RNF146: variants seen among roughly 807,000 people sequenced by gnomAD.
RNF146 encodes the protein ring finger protein 146.
RNF146 carries 11 observed loss-of-function variants against 29.7 expected under a neutral mutation model. That is an observed-to-expected ratio of 0.37 (90% CI 0.23 to 0.61). The LOEUF (loss-of-function observed/expected upper bound fraction) is 0.61, where lower values mean the gene tolerates loss of function less well. RNF146 is among the 20% of genes least tolerant of loss of function. The pLI, the probability that RNF146 is intolerant of heterozygous loss-of-function variation, is 0.66. For missense variants in RNF146, 342 were observed against 438.9 expected, an observed-to-expected ratio of 0.78 and a Z score of 1.97; for synonymous variants, 150 against 159.7, an observed-to-expected ratio of 0.94 and a Z score of 0.46.
rs41285264 is a variant in RNF146 at position 127,288,413 on chromosome 6, T to G, written c.*720T>G. ...AAAGGGTGTGGAAACATTTTGACAT[T>G]TGTGACCAAAGGTCACTTAAAAAGT... On this transcript the variant is annotated 3_prime_UTR_variant, in exon 3 of 3. Coordinates refer to ENST00000368314, the MANE Select transcript of RNF146 (RefSeq NM_001242850.2). 0.069 allele frequency: 11,561 copies of G among 166,942 alleles called. 424 individuals are homozygous for G. Among genetic ancestry groups the G allele is most frequent in the South Asian group, 0.098 (475 of 4,824 alleles). The allele number at this position is 166,942 out of a possible 1,614,324, so 10.3% of individuals were successfully genotyped here.
intron 1 of RNF146, among the ~76,000 whole-genome samples, chr6:127,274,055 T>A (rs1403147215): frequency 2.0e-5 from 3 of 152,012 alleles, no homozygotes; most frequent in Non-Finnish European, 2.9e-5. Context: ...GTGTGTGTGT[T>A]TTCTTTATAA....
At chr6:127,266,951 G>C (rs1283553540) in intron 1 of RNF146, 26 bp downstream of exon 1, 2 of 152,388 alleles carry the variant, frequency 1.3e-5, no homozygotes, top group Admixed American at 1.3e-4. Flanking sequence ...AGGCCCTCTC[G>C]GGGGAGCAGG....
intron 1 of RNF146, among the ~76,000 whole-genome samples, chr6:127,274,635 G>T (rs1777945461): frequency 6.6e-6 from 1 of 152,128 alleles, no homozygotes; most frequent in Non-Finnish European, 1.5e-5. Flanking sequence ...CACACTAGAG[G>T]TTTTACCATT....
chr6:127,270,010 A>G (rs921461176), intron 1 of RNF146, among the ~76,000 whole-genome samples: 7 of 152,104 alleles, frequency 4.6e-5, no homozygotes, highest in African/African-American at 1.7e-4. Context: ...ATGTATTTAT[A>G]TTGATGTTAT....
intron 1 of RNF146, among the ~76,000 whole-genome samples, chr6:127,268,982 A>G (rs1777062465): frequency 6.6e-6 from 1 of 152,344 alleles, no homozygotes; most frequent in South Asian, 2.1e-4. Flanking sequence ...CTACCAGGAA[A>G]CATCTAACAG....
At chr6:127,266,770 T>G (rs877661), upstream of RNF146, 111,383 of 151,702 alleles carry the variant, frequency 0.73, 41,055 homozygotes, top group East Asian at 0.78. Context: ...GCGCCGGAGT[T>G]AGCTCGCCGG....
rs769124693 is a variant in RNF146, at chr6:127,287,298, T to A, written c.685T>A (p.Leu229Ile). Reference protein sequence around the residue: ...VRPLTSVDGQLTSPATPSPDA... With the variant: ...VRPLTSVDGQITSPATPSPDA... ...GCCCCTAACATCAGTAGATGGTCAG[T>A]TAACAAGCCCTGCAACACCATCCCC... The change falls in exon 3 of 3, where the codon TTA becomes ATA. Residue 229 changes from leucine (L) to isoleucine (I), a missense_variant. Leu to Ile is a conservative substitution (Grantham distance 5). Transcript: ENST00000368314. The A allele has an allele frequency of 6.2e-6, 10 of 1,613,436 alleles. No homozygotes were observed. In the South Asian group the frequency reaches 9.9e-5, roughly 16 times the overall value.
At position 127,286,529 on chromosome 6, in the gene RNF146, A is replaced by T; in HGVS notation, c.3-87A>T. 8.5e-7 allele frequency: 1 copy of T among 1,182,056 alleles called. No individual in the cohort carries two copies. The allele number at this position is 1,182,056 out of a possible 1,614,324, so 73.2% of individuals were successfully genotyped here. A position where few individuals can be genotyped will look rare whatever the true frequency, so the allele number is the denominator to read the frequency against. ...ATGTGGCTTGCATATAATGCACATC[A>T]TAGGTGGTTAGTGTTTTCATAATTG... On this transcript the variant is annotated intron_variant, in intron 2 of 2. Transcript: ENST00000368314. The surrounding 1 kb of genome is among the most constrained non-coding windows in gnomAD (Gnocchi z 4.6).
upstream of RNF146, chr6:127,266,769 T>TGAGC (rs1776650492): frequency 6.6e-6 from 1 of 151,712 alleles, no homozygotes; most frequent in Admixed American, 6.6e-5. Context: ...GGCGCCGGAG[T>TGAGC]TAGCTCGCCG....
chr6:127,279,152 A>G (rs914003087), intron 1 of RNF146, among the ~76,000 whole-genome samples: 4 of 151,854 alleles, frequency 2.6e-5, no homozygotes, highest in Non-Finnish European at 5.9e-5. Flanking sequence ...TTTATTTCCT[A>G]TGTTTCTCAT....
intron 1 of RNF146, among the ~76,000 whole-genome samples, chr6:127,273,125 C>T (rs1284559043): frequency 6.6e-6 from 1 of 152,140 alleles, no homozygotes; most frequent in Admixed American, 6.5e-5. Context: ...ACATGGGTCC[C>T]ATGGTGTTAT....
Position 127,287,173 on chromosome 6 carries a change from C to G in RNF146, c.560C>G (p.Ala187Gly). Residue 187 changes from alanine to glycine, a missense_variant, in exon 3 of 3, where the codon GCT becomes GGT. This residue lies in a region of RNF146 where 196 missense variants were observed against 208.9 expected (regional missense o/e 0.94). Coordinates refer to ENST00000368314, the MANE Select transcript of RNF146 (RefSeq NM_001242850.2). Reference sequence around the variant, plus strand: ...GCTGGACTTAGGCTAGACTGTGATGCTAATACCGTAAACCTAGCAAGAGAG... The same window carrying G: ...GCTGGACTTAGGCTAGACTGTGATGGTAATACCGTAAACCTAGCAAGAGAG... ...GVAGLRLDCD[A>G]NTVNLARESS... 1 of 1,613,322 alleles carries G rather than the reference C, an allele frequency of 6.2e-7. No individual in the cohort carries two copies. The highest frequency in any genetic ancestry group is 8.5e-7 in the Non-Finnish European group (1 of 1,179,600).
intron 1 of RNF146, among the ~76,000 whole-genome samples, chr6:127,268,539 A>T (rs746405878): frequency 3.9e-5 from 6 of 152,182 alleles, no homozygotes; most frequent in Admixed American, 6.5e-5. Flanking sequence ...TAGATTTTGG[A>T]TGTGTTTGTT....
At position 127,286,583 on chromosome 6, in the gene RNF146, C is replaced by T. The variant is rs750875624; in HGVS notation, c.3-33C>T. Reference sequence around the variant, plus strand: ...AATTAAGATATTGCAAGAATTAAAACATGACTTTAATATTATATGTATTTT... The same window carrying T: ...AATTAAGATATTGCAAGAATTAAAATATGACTTTAATATTATATGTATTTT... On this transcript the variant is annotated intron_variant, in intron 2 of 2. Transcript: ENST00000368314. The surrounding 1 kb of genome is among the most constrained non-coding windows in gnomAD (Gnocchi z 4.6). 5 of 1,539,530 alleles carry T rather than the reference C, an allele frequency of 3.2e-6. No individual in the cohort carries two copies. In the African/African-American group the frequency reaches 6.9e-5, roughly 21 times the overall value.
chr6:127,275,443 A>G (rs551201651), intron 1 of RNF146, among the ~76,000 whole-genome samples: 1 of 152,252 alleles, frequency 6.6e-6, no homozygotes, highest in East Asian at 1.9e-4. Context: ...ATCCTTTGAT[A>G]TTCTGTTCCT....
intron 1 of RNF146, among the ~76,000 whole-genome samples, chr6:127,268,782 G>C (rs1299958433): frequency 6.6e-6 from 1 of 152,072 alleles, no homozygotes; most frequent in Non-Finnish European, 1.5e-5. Flanking sequence ...TCTTTTAAAA[G>C]GAGATGTCAA....
chr6:127,276,865 A>T (rs1778280610), intron 1 of RNF146, among the ~76,000 whole-genome samples: 1 of 152,070 alleles, frequency 6.6e-6, no homozygotes, highest in Non-Finnish European at 1.5e-5. Flanking sequence ...TATTTGAAGG[A>T]CTAAAGCATG....
In RNF146 at chr6:127,288,373, CTT is replaced by C. The variant is rs1428811397; in HGVS notation, c.*681_*682del. On this transcript the variant is annotated 3_prime_UTR_variant, in exon 3 of 3. Coordinates refer to ENST00000368314, the MANE Select transcript of RNF146 (RefSeq NM_001242850.2). ...AGAGTTTATCAAAAACAGTTTGTCT[CTT>C]GTTTGAGGGTGGAAAGGGTGTGGAA... The C allele has an allele frequency of 1.2e-5, 2 of 166,716 alleles. No homozygotes were observed. Among genetic ancestry groups the C allele is most frequent in the East Asian group, 1.9e-4 (1 of 5,172 alleles). The allele number at this position is 166,716 out of a possible 1,614,324, so 10.3% of individuals were successfully genotyped here. A position where few individuals can be genotyped will look rare whatever the true frequency, so the allele number is the denominator to read the frequency against.
At position 127,287,543 on chromosome 6, in the gene RNF146, A is replaced by G. The variant is rs767427529; in HGVS notation, c.930A>G (p.Gln310=). 3 of 1,613,218 alleles carry G rather than the reference A, an allele frequency of 1.9e-6. No homozygotes were observed. Among genetic ancestry groups the G allele is most frequent in the Non-Finnish European group, 2.5e-6 (3 of 1,179,546 alleles). ...SAVVAQHSLT[Q]QRLLVSNANQ... is the part of the protein sequence containing the mutation. The stretch of plus-strand genomic sequence containing the variant: ...TTGTTGCACAGCACTCCTTGACCCA[A>G]CAGAGACTTTTGGTTTCTAATGCAA... Residue 310 remains glutamine, a synonymous_variant, in exon 3 of 3, where the codon CAA becomes CAG. Coordinates refer to ENST00000368314, the MANE Select transcript of RNF146 (RefSeq NM_001242850.2).
Sources: allele counts gnomAD v4.1 joint callset (sites outside exome capture counted in the v4.1 genomes callset), GRCh38; gene constraint gnomAD v4.1.1; regional missense constraint gnomAD v4.1.1; non-coding constraint Gnocchi (gnomAD v3.1); transcripts MANE v1.5; gene names NCBI Gene and HGNC (gene_info 2026-07-23, HGNC 2026-07-21).